The following ATG7 variants were observed in gnomAD, a reference collection of about 807,000 sequenced individuals.
ATG7 encodes the protein autophagy related 7.
Under a neutral mutation model 82.4 loss-of-function variants are expected in ATG7, and 70 were observed. The observed-to-expected ratio is 0.85, with a 90% CI of 0.70 to 1.04. The LOEUF (loss-of-function observed/expected upper bound fraction) is 1.04. Among genes scored for constraint, ATG7 ranks in the 50% least tolerant of loss-of-function variants. The probability of loss-of-function intolerance (pLI) is 0.00; values close to 1 mark genes in which losing one functional copy is unlikely to be tolerated. For missense variants in ATG7, 792 were observed against 864.3 expected (o/e 0.92, Z 1.05); for synonymous variants, 287 against 313.0 (o/e 0.92, Z 0.88).
At chr3:11,328,510 A>G (rs1002672778) in intron 9 of ATG7, among the ~76,000 whole-genome samples, 9 of 152,114 alleles carry the variant, frequency 5.9e-5, no homozygotes, top group African/African-American at 2.4e-5. Context: ...ATGCATTTAG[A>G]AAAAAAATGC....
chr3:11,467,433 A>G (rs563800183), intron 20 of ATG7, among the ~76,000 whole-genome samples: 2 of 152,258 alleles, frequency 1.3e-5, no homozygotes, highest in South Asian at 2.1e-4. Context: ...CTGCAGTGCA[A>G]TGGTGCGATC....
chr3:11,392,078 A>G (rs1189637994), intron 19 of ATG7, among the ~76,000 whole-genome samples: 1 of 152,094 alleles, frequency 6.6e-6, no homozygotes, highest in Non-Finnish European at 1.5e-5. Context: ...ACCCAGAGGA[A>G]TGTATTTCTT....
chr3:11,417,035 G>A (rs975789041), intron 19 of ATG7, among the ~76,000 whole-genome samples: 3 of 152,086 alleles, frequency 2.0e-5, no homozygotes, highest in Non-Finnish European at 4.4e-5. Context: ...TGTGGTCTGA[G>A]AGCAGACTCT....
chr3:11,476,418 CTTT>C (rs57639760), intron 20 of ATG7, among the ~76,000 whole-genome samples: 1 of 139,472 alleles, frequency 7.2e-6, no homozygotes, highest in Non-Finnish European at 1.5e-5. Flanking sequence ...TGTGGTTTTT[CTTT>C]TTTTTTTTTT....
At chr3:11,467,845 A>T (rs771662824) in intron 20 of ATG7, among the ~76,000 whole-genome samples, 7 of 152,244 alleles carry the variant, frequency 4.6e-5, no homozygotes, top group Non-Finnish European at 7.3e-5. Flanking sequence ...CTAACAAAGT[A>T]ACTGGTACAT....
the ATG7 span, chr3:11,568,759 G>A: frequency 1.3e-6 from 2 of 1,507,164 alleles, no homozygotes; most frequent in South Asian, 2.6e-5. The surrounding 1 kb of genome is among the most constrained non-coding windows in gnomAD (Gnocchi z 5.9). Context: ...CCCGGGAGAT[G>A]GAAGTCGCCT....
At chr3:11,280,311 A>C (rs1175966796) in intron 1 of ATG7, among the ~76,000 whole-genome samples, 1 of 152,144 alleles carries the variant, frequency 6.6e-6, no homozygotes, top group Non-Finnish European at 1.5e-5. Context: ...AGTGTCTCCT[A>C]TGGGCCAGAT....
At chr3:11,358,652 C>T (rs1266970759) in intron 15 of ATG7, 40 bp downstream of exon 15, 1 of 1,586,316 alleles carries the variant, frequency 6.3e-7, no homozygotes. Context: ...ATTTAATGCA[C>T]CACCACTCCA....
chr3:11,451,884 CAG>C (rs2085205967), intron 20 of ATG7, among the ~76,000 whole-genome samples: 2 of 129,330 alleles, frequency 1.5e-5, no homozygotes, highest in South Asian at 2.8e-4. Flanking sequence ...CACACACACA[CAG>C]ACACACACAC....
At chr3:11,278,799 T>G (rs892124568) in intron 1 of ATG7, among the ~76,000 whole-genome samples, 2 of 152,236 alleles carry the variant, frequency 1.3e-5, no homozygotes, top group African/African-American at 2.4e-5. Flanking sequence ...CTGAGGAGGA[T>G]AACTGCATAC....
chr3:11,490,633 T>G (rs1347540832), intron 20 of ATG7, among the ~76,000 whole-genome samples: 4 of 152,182 alleles, frequency 2.6e-5, no homozygotes, highest in African/African-American at 9.7e-5. Context: ...CCATGTTTAG[T>G]GGTTCCTTCA....
In ATG7 at chr3:11,431,531, A is replaced by AC. The variant is rs1277336290; in HGVS notation, c.2079+4607dup. 2.0e-5 allele frequency among the ~76,000 whole-genome samples: 3 copies of AC among 152,228 alleles called. No homozygotes were observed. The East Asian group carries it at 5.8e-4, about 29-fold the overall frequency. On this transcript the variant is annotated intron_variant, in intron 20 of 20. Coordinates refer to ENST00000693202, the MANE Select transcript of ATG7 (RefSeq NM_001349232.2). ...CCCCCACACCCAAAACAAACTCTGA[A>AC]CCTATTAAAAGGTCACTCCCTGTTC...
the ATG7 span, among the ~76,000 whole-genome samples, chr3:11,572,498 G>A: frequency 1.3e-5 from 2 of 152,300 alleles, no homozygotes; most frequent in African/African-American, 4.8e-5. Context: ...AGAACATGCA[G>A]ACGCATGAGG....
chr3:11,322,140 A>C (rs1342911387), intron 9 of ATG7, among the ~76,000 whole-genome samples: 1 of 152,238 alleles, frequency 6.6e-6, no homozygotes, highest in Non-Finnish European at 1.5e-5. Context: ...TGATTGCTTA[A>C]TGCTGGAGTT....
Position 11,520,655 on chromosome 3 carries a change from T to G in ATG7, c.2080-34156T>G, listed in dbSNP as rs749694042. 3.4e-4 allele frequency among the ~76,000 whole-genome samples: 52 copies of G among 152,250 alleles called. 2 individuals are homozygous for G. In the Middle Eastern group the frequency reaches 0.021, roughly 60 times the overall value. On this transcript the variant is annotated intron_variant, in intron 20 of 20. Transcript: ENST00000693202. Reference sequence around the variant, plus strand: ...GGCCTCAGCACACACATTCTACACTTCTGAGCTCGCCCTGTACCTCACAGC... The same window carrying G: ...GGCCTCAGCACACACATTCTACACTGCTGAGCTCGCCCTGTACCTCACAGC...
At chr3:11,341,676 G>A (rs1953658458) in intron 12 of ATG7, among the ~76,000 whole-genome samples, 3 of 152,094 alleles carry the variant, frequency 2.0e-5, no homozygotes, top group Admixed American at 1.3e-4. Flanking sequence ...TCGAACTCCT[G>A]ACCTCAGGTG....
intron 20 of ATG7, among the ~76,000 whole-genome samples, chr3:11,452,578 C>T (rs58849759): frequency 0.011 from 1,664 of 152,158 alleles, 34 homozygotes; most frequent in African/African-American, 0.038. Flanking sequence ...CCTCTAGGCA[C>T]TTCAGCAAAC....
downstream of ATG7, chr3:11,558,606 G>C: frequency 6.2e-7 from 1 of 1,606,422 alleles, no homozygotes; most frequent in Non-Finnish European, 8.5e-7. Flanking sequence ...TGGGCAGAGG[G>C]GCTGGCGGGC....
chr3:11,351,889 A>G (rs1342767627), intron 14 of ATG7, among the ~76,000 whole-genome samples: 3 of 150,904 alleles, frequency 2.0e-5, no homozygotes, highest in African/African-American at 7.3e-5. Flanking sequence ...TCTAGGGTAC[A>G]TGTGCACAAC....
Sources: gnomAD v4.1 joint callset for allele counts (sites outside exome capture counted in the v4.1 genomes callset) on GRCh38, gnomAD v4.1.1 for gene constraint, Gnocchi (gnomAD v3.1) non-coding constraint, MANE v1.5 for transcripts, NCBI Gene and HGNC (gene_info 2026-07-23, HGNC 2026-07-21) for gene names.